The following PSKH1 variants were observed in gnomAD, a reference collection of about 807,000 sequenced individuals.
PSKH1 encodes the protein serine/threonine-protein kinase H1.
Under a neutral mutation model 26.7 loss-of-function variants are expected in PSKH1, and 12 were observed. That is an observed-to-expected ratio of 0.45 (90% CI 0.29 to 0.73). PSKH1 has a LOEUF of 0.73. PSKH1 is among the 30% of genes least tolerant of loss of function. PSKH1 has a pLI of 0.11. For missense variants in PSKH1, 431 were observed against 595.2 expected (o/e 0.72, Z 2.87); for synonymous variants, 213 against 234.3 (o/e 0.91, Z 0.83).
chr16:67,917,185 C>T (rs1228061644), intron 2 of PSKH1, among the ~76,000 whole-genome samples: 1 of 152,210 alleles, frequency 6.6e-6, no homozygotes, highest in Admixed American at 6.5e-5. Flanking sequence ...ACGTAATCCC[C>T]CACCTTACAG....
At chr16:67,899,708 C>T (rs937172221) in intron 1 of PSKH1, among the ~76,000 whole-genome samples, 1 of 151,634 alleles carries the variant, frequency 6.6e-6, no homozygotes, top group Middle Eastern at 3.2e-3. Context: ...AGTGCAGTGG[C>T]GTGATCTCGG....
At chr16:67,893,525 A>G (rs1444157609) in intron 1 of PSKH1, among the ~76,000 whole-genome samples, 154 bp downstream of exon 1, 1 of 152,232 alleles carries the variant, frequency 6.6e-6, no homozygotes, top group African/African-American at 2.4e-5. Flanking sequence ...GTTGGAGAGC[A>G]GGCCGGGCGA....
Position 67,927,830 on chromosome 16 carries a change from A to G in PSKH1, c.*188A>G, listed in dbSNP as rs780444211. ...ACCATGGGCCTGGGCCAGGTGTGACAGAGTAGAGGTAGCACAGGGGGCTGT... is the reference window on the plus strand; with the variant it reads ...ACCATGGGCCTGGGCCAGGTGTGACGGAGTAGAGGTAGCACAGGGGGCTGT... On this transcript the variant is annotated 3_prime_UTR_variant, in exon 3 of 3. Coordinates refer to ENST00000291041, the MANE Select transcript of PSKH1 (RefSeq NM_006742.3). The surrounding 1 kb of genome is among the most constrained non-coding windows in gnomAD (Gnocchi z 5.5). The G allele has an allele frequency of 1.1e-5, 8 of 700,266 alleles. No homozygotes were observed. The highest frequency in any genetic ancestry group is 5.9e-5 in the Admixed American group (2 of 33,918). 43.4% of individuals were successfully genotyped at this position (700,266 alleles called of 1,614,324 possible).
chr16:67,904,305 A>G (rs920899575), intron 1 of PSKH1, among the ~76,000 whole-genome samples: 3 of 151,922 alleles, frequency 2.0e-5, no homozygotes, highest in South Asian at 2.1e-4. Flanking sequence ...CCTGGGTCCA[A>G]GTAATTCTGC....
chr16:67,900,109 C>T (rs781163903), intron 1 of PSKH1, among the ~76,000 whole-genome samples: 1 of 151,952 alleles, frequency 6.6e-6, no homozygotes, highest in Non-Finnish European at 1.5e-5. Context: ...TACAGGTGCC[C>T]ACTACCATGC....
intron 2 of PSKH1, chr16:67,910,065 G>A (rs1160416356): frequency 2.2e-6 from 1 of 450,440 alleles, no homozygotes; most frequent in African/African-American, 2.0e-5. Flanking sequence ...CCTCATAGTT[G>A]TACCACCAAA....
rs750480095 is a variant in PSKH1 at position 67,909,344 on chromosome 16, C to T, written c.595C>T (p.Leu199=). The T allele has an allele frequency of 4.3e-6, 7 of 1,614,112 alleles. No homozygotes were observed. The South Asian group carries it at 7.7e-5, about 18-fold the overall frequency. Residue 199 remains leucine, a synonymous_variant, in exon 2 of 3, where the codon CTG becomes TTG. Coordinates refer to ENST00000291041, the MANE Select transcript of PSKH1 (RefSeq NM_006742.3). This position sits in a 1 kb window ranked among gnomAD's most constrained non-coding sequence, Gnocchi z 7.8. ...CACCGAGCGTGACGCCACGCGGGTG[C>T]TGCAGATGGTGCTGGATGGCGTCCG... ...SFTERDATRV[L]QMVLDGVRYL...
In PSKH1 at chr16:67,929,520, G is replaced by A. The variant is rs554092107; in HGVS notation, c.*1878G>A. 1.7e-5 allele frequency: 3 copies of A among 179,524 alleles called. No homozygotes were observed. In the East Asian group the frequency reaches 4.1e-4, roughly 25 times the overall value. 11.1% of individuals were successfully genotyped at this position (179,524 alleles called of 1,614,324 possible). ...GTCCTGAGGGCAGGACAGGGGGTTTGGAGATGTGGGCCTTTGATAGACCCA... is the reference window on the plus strand; with the variant it reads ...GTCCTGAGGGCAGGACAGGGGGTTTAGAGATGTGGGCCTTTGATAGACCCA... On this transcript the variant is annotated 3_prime_UTR_variant, in exon 3 of 3. Coordinates refer to ENST00000291041, the MANE Select transcript of PSKH1 (RefSeq NM_006742.3).
At chr16:67,902,397 C>T (rs1324031166) in intron 1 of PSKH1, among the ~76,000 whole-genome samples, 1 of 152,058 alleles carries the variant, frequency 6.6e-6, no homozygotes, top group African/African-American at 2.4e-5. Flanking sequence ...CTGGTTCAAG[C>T]GATTCTCCTA....
At chr16:67,921,346 C>T (rs754359151) in intron 2 of PSKH1, among the ~76,000 whole-genome samples, 24 of 151,976 alleles carry the variant, frequency 1.6e-4, no homozygotes, top group Admixed American at 3.9e-4. Context: ...GAGGCCGAGG[C>T]GGGCAGATCT....
At chr16:67,914,554 C>T (rs1346942369) in intron 2 of PSKH1, among the ~76,000 whole-genome samples, 1 of 150,118 alleles carries the variant, frequency 6.7e-6, no homozygotes. Flanking sequence ...TCCCAGGTTC[C>T]AGCGATTCTC....
intron 2 of PSKH1, among the ~76,000 whole-genome samples, chr16:67,919,447 G>A (rs906550076): frequency 4.6e-5 from 7 of 152,248 alleles, no homozygotes; most frequent in African/African-American, 1.7e-4. Context: ...GCCTGCTGGG[G>A]CTGCTGCATG....
chr16:67,927,575 C>T lies in PSKH1; in HGVS notation c.1208C>T (p.Ser403Leu). 1 of 1,613,670 alleles carries T rather than the reference C, an allele frequency of 6.2e-7. No homozygotes were observed. The highest frequency in any genetic ancestry group is 8.5e-7 in the Non-Finnish European group (1 of 1,180,018). The change falls in exon 3 of 3, where the codon TCA becomes TTA. Residue 403 changes from serine (S) to leucine (L), a missense_variant. Transcript: ENST00000291041. This position sits in a 1 kb window ranked among gnomAD's most constrained non-coding sequence, Gnocchi z 5.5. ...AGCCGCTCCACACGCTCCAATAAGT[C>T]ACGCCGTGTGCGGGAACGGGAGCTG... ...RSSRSTRSNK[S>L]RRVRERELRE...
At chr16:67,896,197 C>T (rs1407117290) in intron 1 of PSKH1, among the ~76,000 whole-genome samples, 1 of 152,064 alleles carries the variant, frequency 6.6e-6, no homozygotes, top group Non-Finnish European at 1.5e-5. Context: ...CAACCTCCGC[C>T]TCCCAGGTTC....
chr16:67,911,538 C>T (rs1034760317), intron 2 of PSKH1, among the ~76,000 whole-genome samples: 13 of 152,272 alleles, frequency 8.5e-5, no homozygotes, highest in East Asian at 3.9e-4. Context: ...CAAAATTAGC[C>T]GGGTGTGGCA....
chr16:67,894,139 G>A (rs16942887), intron 1 of PSKH1, among the ~76,000 whole-genome samples: 23,205 of 152,146 alleles, frequency 0.15, 1,958 homozygotes, highest in African/African-American at 0.22. Context: ...TGTTAGCTCT[G>A]GTTTCATACC....
chr16:67,894,169 A>G (rs187784511), intron 1 of PSKH1, among the ~76,000 whole-genome samples: 14 of 152,244 alleles, frequency 9.2e-5, no homozygotes, highest in Admixed American at 4.6e-4. Context: ...TAGTATTACT[A>G]ATTTTGAGAC....
At chr16:67,921,630 G>T (rs2058202978) in intron 2 of PSKH1, among the ~76,000 whole-genome samples, 1 of 152,042 alleles carries the variant, frequency 6.6e-6, no homozygotes, top group African/African-American at 2.4e-5. Context: ...GCTGGGCCCT[G>T]GGAACCACTT....
At chr16:67,896,493 G>A (rs539672391) in intron 1 of PSKH1, among the ~76,000 whole-genome samples, 4 of 150,980 alleles carry the variant, frequency 2.6e-5, no homozygotes, top group South Asian at 4.2e-4. Context: ...ATTTCCTCAA[G>A]GTCATTTCTG....
Sources: gnomAD v4.1 joint callset for allele counts (sites outside exome capture counted in the v4.1 genomes callset) on GRCh38, gnomAD v4.1.1 for gene constraint, Gnocchi (gnomAD v3.1) non-coding constraint, MANE v1.5 for transcripts, NCBI Gene and HGNC (gene_info 2026-07-23, HGNC 2026-07-21) for gene names.